Variants in STXBP5L observed in about 807,000 individuals in gnomAD.
STXBP5L encodes the protein syntaxin-binding protein 5-like.
In STXBP5L, 65 loss-of-function variants were observed where a neutral mutation model predicts 144.5. The ratio of observed to expected loss-of-function variants is 0.45; its 90% CI spans 0.37 to 0.55. STXBP5L has a LOEUF of 0.55. Ranked by LOEUF, STXBP5L falls within the 20% of genes least tolerant of loss-of-function variation. STXBP5L has a pLI of 0.00. For synonymous variants in STXBP5L, 505 were observed against 469.6 expected (o/e 1.08, Z -0.97); for missense variants, 1,298 against 1,405.5 (o/e 0.92, Z 1.22).
In STXBP5L at chr3:121,220,695, G is replaced by A. The variant is rs185121697; in HGVS notation, c.957-2308G>A. On this transcript the variant is annotated intron_variant, in intron 10 of 26. Coordinates refer to ENST00000471454, the MANE Select transcript of STXBP5L (RefSeq NM_001308330.2). Reference sequence around the variant, plus strand: ...TATCAAAATTAATTTTTTTCTGCTCGACAACTACCAAGTTGTATTCCACAG... The same window carrying A: ...TATCAAAATTAATTTTTTTCTGCTCAACAACTACCAAGTTGTATTCCACAG... 1.5e-3 allele frequency among the ~76,000 whole-genome samples: 229 copies of A among 152,034 alleles called. 1 individual carries two copies. Among genetic ancestry groups the A allele is most frequent in the Middle Eastern group, 0.014 (4 of 294 alleles).
intron 18 of STXBP5L, among the ~76,000 whole-genome samples, chr3:121,269,096 A>G (rs2050661420): frequency 6.6e-6 from 1 of 152,122 alleles, no homozygotes; most frequent in Admixed American, 6.5e-5. Flanking sequence ...TACAATGCCT[A>G]TGTAGCAGCA....
rs576966578 is a variant in STXBP5L, at chr3:120,920,601, G to A, written c.189+10834G>A. On this transcript the variant is annotated intron_variant, in intron 2 of 26. Transcript: ENST00000471454. ...TATTAAATACTAGATATTATTTCTT[G>A]ATTCAAAATATATATATTTGTACCC... 2.6e-5 allele frequency among the ~76,000 whole-genome samples: 4 copies of A among 151,470 alleles called. No individual in the cohort carries two copies. The East Asian group carries it at 7.8e-4, about 29-fold the overall frequency.
At position 121,165,650 on chromosome 3, in the gene STXBP5L, A is replaced by G. The variant is rs368062367; in HGVS notation, c.877+8023A>G. On this transcript the variant is annotated intron_variant, in intron 9 of 26. Transcript: ENST00000471454. ...GAGCAGGGTTTATTGGGTGAAAAGG[A>G]AAAAAAGGGAAACAAGGACTCTCAG... 1.2e-3 allele frequency among the ~76,000 whole-genome samples: 180 copies of G among 152,142 alleles called. 1 individual carries two copies. The highest frequency in any genetic ancestry group is 4.1e-3 in the African/African-American group (172 of 41,510).
At chr3:121,053,805 T>C (rs913409882) in intron 5 of STXBP5L, among the ~76,000 whole-genome samples, 3 of 151,800 alleles carry the variant, frequency 2.0e-5, no homozygotes, top group Non-Finnish European at 4.4e-5. Flanking sequence ...ACAGGCAACC[T>C]ACAAAATGGG....
intron 9 of STXBP5L, among the ~76,000 whole-genome samples, chr3:121,194,482 C>T (rs1359181575): frequency 1.0e-5 from 1 of 96,746 alleles, no homozygotes; most frequent in Admixed American, 1.1e-4. Flanking sequence ...CTGCAGTGAG[C>T]TATGATCATG....
At chr3:121,393,421 C>T (rs1158637640) in intron 22 of STXBP5L, among the ~76,000 whole-genome samples, 3 of 152,056 alleles carry the variant, frequency 2.0e-5, no homozygotes, top group Non-Finnish European at 4.4e-5. Flanking sequence ...TGTGCATAAG[C>T]TTTTCAGTTT....
intron 3 of STXBP5L, among the ~76,000 whole-genome samples, chr3:121,036,247 C>A (rs888274665): frequency 1.3e-5 from 2 of 152,014 alleles, no homozygotes; most frequent in African/African-American, 4.8e-5. Context: ...GCAGGAGAAT[C>A]GCTTGAACCC....
At chr3:121,391,047 C>T (rs2046571320) in intron 22 of STXBP5L, among the ~76,000 whole-genome samples, 1 of 152,188 alleles carries the variant, frequency 6.6e-6, no homozygotes, top group Admixed American at 6.5e-5. Context: ...GGTATTTTCA[C>T]ATAGTCCCAT....
chr3:121,314,362 C>G (rs1373324634), intron 19 of STXBP5L, among the ~76,000 whole-genome samples: 1 of 136,486 alleles, frequency 7.3e-6, no homozygotes, highest in Non-Finnish European at 1.6e-5. Flanking sequence ...GAGGCCGAGG[C>G]TGGCGGATCA....
intron 9 of STXBP5L, among the ~76,000 whole-genome samples, chr3:121,173,499 A>ACCAACT (rs1401594306): frequency 6.6e-6 from 1 of 151,962 alleles, no homozygotes; most frequent in Non-Finnish European, 1.5e-5. Flanking sequence ...TGTGAGGGGC[A>ACCAACT]CCAACTCCCC....
intron 19 of STXBP5L, among the ~76,000 whole-genome samples, chr3:121,312,104 A>G (rs2043551412): frequency 6.6e-6 from 1 of 152,226 alleles, no homozygotes; most frequent in African/African-American, 2.4e-5. Flanking sequence ...AGGATTCCCT[A>G]TTTAATAAAT....
chr3:121,227,548 C>T (rs1030207594), intron 11 of STXBP5L, among the ~76,000 whole-genome samples: 1 of 152,162 alleles, frequency 6.6e-6, no homozygotes, highest in East Asian at 1.9e-4. Context: ...CACCACTGTA[C>T]TCCAGCCTGG....
intron 5 of STXBP5L, among the ~76,000 whole-genome samples, chr3:121,088,180 G>A (rs547189968): frequency 4.8e-5 from 7 of 146,304 alleles, no homozygotes; most frequent in South Asian, 2.2e-4. Flanking sequence ...GAAAATTTTC[G>A]CAACCTACTC....
intron 9 of STXBP5L, among the ~76,000 whole-genome samples, chr3:121,184,667 C>T (rs1377006191): frequency 6.6e-6 from 1 of 151,994 alleles, no homozygotes; most frequent in East Asian, 1.9e-4. Flanking sequence ...GAGAACTTCC[C>T]CAACCTAGCA....
intron 3 of STXBP5L, among the ~76,000 whole-genome samples, chr3:121,012,271 A>G (rs1401216702): frequency 6.6e-6 from 1 of 151,854 alleles, no homozygotes; most frequent in African/African-American, 2.4e-5. Flanking sequence ...TGCTTCTATG[A>G]ACATTTGTGC....
chr3:121,091,809 A>G (rs937422800), intron 5 of STXBP5L, among the ~76,000 whole-genome samples: 7 of 151,856 alleles, frequency 4.6e-5, no homozygotes, highest in African/African-American at 1.4e-4. Context: ...TTTGTCTTTT[A>G]TTGCCATTGC....
intron 5 of STXBP5L, among the ~76,000 whole-genome samples, chr3:121,058,237 G>C (rs945930910): frequency 6.6e-6 from 1 of 152,104 alleles, no homozygotes; most frequent in African/African-American, 2.4e-5. Context: ...TTGGTTTTCT[G>C]TTCTTGTGTT....
At chr3:121,047,024 C>T (rs564396321) in intron 5 of STXBP5L, among the ~76,000 whole-genome samples, 3 of 152,132 alleles carry the variant, frequency 2.0e-5, no homozygotes, top group Admixed American at 6.6e-5. Context: ...ACTACTTTAG[C>T]TGTGTCCTAG....
intron 5 of STXBP5L, among the ~76,000 whole-genome samples, chr3:121,061,670 T>C (rs921755412): frequency 2.0e-5 from 3 of 152,230 alleles, no homozygotes; most frequent in Non-Finnish European, 2.9e-5. Flanking sequence ...GGTGCAGATA[T>C]ATTTAGGATA....
Sources: gnomAD v4.1 joint callset for allele counts (sites outside exome capture counted in the v4.1 genomes callset) on GRCh38, gnomAD v4.1.1 for gene constraint, MANE v1.5 for transcripts, NCBI Gene and HGNC (gene_info 2026-07-23, HGNC 2026-07-21) for gene names.